Variants in LRRC7 observed in about 807,000 individuals in gnomAD.
LRRC7 encodes the protein leucine rich repeat containing 7.
Under a neutral mutation model 175.7 loss-of-function variants are expected in LRRC7, and 23 were observed. That is an observed-to-expected ratio of 0.13 (90% confidence interval 0.09 to 0.19). The LOEUF (loss-of-function observed/expected upper bound fraction) is 0.19, where lower values mean the gene tolerates loss of function less well. LRRC7 is among the 10% of genes least tolerant of loss of function. The pLI, the probability that LRRC7 is intolerant of heterozygous loss-of-function variation, is 1.00. For synonymous variants in LRRC7, 685 were observed against 680.9 expected (o/e 1.01, Z -0.09); for missense variants, 1,354 against 1,904.7 (o/e 0.71, Z 5.38).
At chr1:69,804,679 A>T (rs1027717884) in intron 4 of LRRC7, among the ~76,000 whole-genome samples, 7 of 151,598 alleles carry the variant, frequency 4.6e-5, no homozygotes, top group African/African-American at 1.7e-4. Flanking sequence ...GCAGCAATTT[A>T]TAAGTAAATG....
intron 4 of LRRC7, among the ~76,000 whole-genome samples, chr1:69,815,926 G>C (rs969027182): frequency 1.3e-5 from 2 of 152,092 alleles, no homozygotes; most frequent in Middle Eastern, 6.8e-3. Flanking sequence ...CTGGTGGAAG[G>C]AGCAAGACAG....
chr1:69,925,568 A>T (rs906939948), intron 7 of LRRC7, among the ~76,000 whole-genome samples: 1 of 151,674 alleles, frequency 6.6e-6, no homozygotes, highest in Non-Finnish European at 1.5e-5. Context: ...TTTCTTCTAG[A>T]TTTTCTAGTT....
chr1:69,960,621 G>C (rs1650968596), intron 8 of LRRC7, among the ~76,000 whole-genome samples: 1 of 151,286 alleles, frequency 6.6e-6, no homozygotes, highest in South Asian at 2.1e-4. Flanking sequence ...TGAGCATTCA[G>C]TGCTATAAAT....
chr1:69,727,121 T>A (rs1667064670), intron 2 of LRRC7, among the ~76,000 whole-genome samples: 1 of 152,150 alleles, frequency 6.6e-6, no homozygotes, highest in African/African-American at 2.4e-5. Flanking sequence ...CAGCTGGGCT[T>A]TCAAACCAGC....
At chr1:70,064,409 G>C (rs959553167) in intron 23 of LRRC7, among the ~76,000 whole-genome samples, 1 of 151,858 alleles carries the variant, frequency 6.6e-6, no homozygotes, top group African/African-American at 2.4e-5. Flanking sequence ...ATGGGACCAG[G>C]AGTTAGAGGT....
intron 6 of LRRC7, among the ~76,000 whole-genome samples, chr1:69,835,361 A>T (rs942630381): frequency 6.6e-6 from 1 of 151,918 alleles, no homozygotes; most frequent in Non-Finnish European, 1.5e-5. Context: ...GAATTCTTAC[A>T]TATAAATATG....
intron 26 of LRRC7, among the ~76,000 whole-genome samples, chr1:70,117,945 A>G (rs1486926282): frequency 6.6e-6 from 1 of 152,106 alleles, no homozygotes; most frequent in East Asian, 1.9e-4. Context: ...GTATTTACTA[A>G]TATAATAGAC....
intron 8 of LRRC7, among the ~76,000 whole-genome samples, chr1:69,953,407 A>G (rs1259684399): frequency 6.6e-6 from 1 of 151,988 alleles, no homozygotes; most frequent in Non-Finnish European, 1.5e-5. Context: ...ACTCCTCTAC[A>G]AAGAGATCTG....
chr1:70,093,100 CA>C (rs1473510380), intron 25 of LRRC7, among the ~76,000 whole-genome samples: 2 of 152,092 alleles, frequency 1.3e-5, no homozygotes, highest in African/African-American at 4.8e-5. Context: ...AGCAGTAGAA[CA>C]CTGGATGGAA....
At chr1:69,601,890 G>C (rs549478332) in intron 1 of LRRC7, among the ~76,000 whole-genome samples, 17 of 152,202 alleles carry the variant, frequency 1.1e-4, no homozygotes, top group African/African-American at 3.9e-4. Flanking sequence ...TGGGACAGCT[G>C]AATTCAGTTT....
chr1:69,640,334 G>A (rs1293971158), intron 1 of LRRC7, among the ~76,000 whole-genome samples: 2 of 151,638 alleles, frequency 1.3e-5, no homozygotes, highest in African/African-American at 4.8e-5. Context: ...ATCCATGATT[G>A]TCCTGGGAGG....
At chr1:69,662,764 G>A (rs1025315172) in intron 1 of LRRC7, among the ~76,000 whole-genome samples, 1 of 152,162 alleles carries the variant, frequency 6.6e-6, no homozygotes, top group African/African-American at 2.4e-5. Flanking sequence ...ATAAACACTT[G>A]AGACTATTTA....
chr1:69,972,018 G>T (rs933676058), intron 8 of LRRC7, among the ~76,000 whole-genome samples: 2 of 152,146 alleles, frequency 1.3e-5, no homozygotes, highest in Admixed American at 6.5e-5. Flanking sequence ...AAGGTAAAGT[G>T]GAGAAAGGAC....
At chr1:69,855,748 T>G (rs1042887951) in intron 7 of LRRC7, among the ~76,000 whole-genome samples, 178 of 152,274 alleles carry the variant, frequency 1.2e-3, no homozygotes, top group African/African-American at 4.1e-3. Context: ...CCATCATTAT[T>G]GTGTGGGAGT....
chr1:69,649,962 T>C (rs747162142), intron 1 of LRRC7, among the ~76,000 whole-genome samples: 1 of 152,094 alleles, frequency 6.6e-6, no homozygotes, highest in Non-Finnish European at 1.5e-5. Flanking sequence ...GAATACTTTA[T>C]GGATGATGAC....
chr1:70,042,550 A>G (rs576492942), intron 21 of LRRC7, among the ~76,000 whole-genome samples: 1 of 152,346 alleles, frequency 6.6e-6, no homozygotes, highest in Non-Finnish European at 1.5e-5. Context: ...ACTACCCTAG[A>G]TAAAAGATGC....
chr1:69,599,219 C>A (rs1035814087), intron 1 of LRRC7, among the ~76,000 whole-genome samples: 8 of 151,952 alleles, frequency 5.3e-5, no homozygotes, highest in African/African-American at 1.9e-4. Context: ...GAGTTTACGC[C>A]CATTTCTTTG....
intron 2 of LRRC7, among the ~76,000 whole-genome samples, chr1:69,706,926 C>T (rs948456530): frequency 6.6e-5 from 10 of 151,974 alleles, no homozygotes; most frequent in African/African-American, 1.9e-4. Flanking sequence ...AAAATAAATT[C>T]GGTTCTGGGC....
intron 1 of LRRC7, among the ~76,000 whole-genome samples, chr1:69,619,395 C>T (rs11209501): frequency 0.085 from 12,976 of 151,846 alleles, 883 homozygotes; most frequent in African/African-American, 0.19. Flanking sequence ...ACTGTCAAAA[C>T]ACCACCGGTT....
Sources: gnomAD v4.1 joint callset for allele counts (sites outside exome capture counted in the v4.1 genomes callset) on GRCh38, gnomAD v4.1.1 for gene constraint, MANE v1.5 for transcripts, NCBI Gene and HGNC (gene_info 2026-07-23, HGNC 2026-07-21) for gene names.